TAS2R1: variants seen among roughly 807,000 people sequenced by gnomAD.
The protein encoded by TAS2R1 is taste 2 receptor member 1.
For missense variants in TAS2R1, 370 were observed against 353.4 expected (o/e 1.05, Z -0.38); for synonymous variants, 141 against 134.2 (o/e 1.05, Z -0.35).
chr5:9,637,285 C>T (rs1268113447), intron 2 of TAS2R1, among the ~76,000 whole-genome samples: 1 of 152,154 alleles, frequency 6.6e-6, no homozygotes, highest in East Asian at 1.9e-4. Flanking sequence ...AAGGTTTTTG[C>T]TGAGAAGTCT....
At chr5:9,726,581 C>T in the TAS2R1 span, among the ~76,000 whole-genome samples, 1 of 152,162 alleles carries the variant, frequency 6.6e-6, no homozygotes, top group African/African-American at 2.4e-5. Flanking sequence ...AGCTTCACTC[C>T]TGAGCCAGCG....
At chr5:9,748,168 C>A in the TAS2R1 span, among the ~76,000 whole-genome samples, 1 of 152,032 alleles carries the variant, frequency 6.6e-6, no homozygotes, top group Non-Finnish European at 1.5e-5. Context: ...GCATTTAAAC[C>A]AAACTTTTAA....
intron 1 of TAS2R1, among the ~76,000 whole-genome samples, chr5:9,710,318 T>C (rs1741703849): frequency 6.6e-6 from 1 of 152,242 alleles, no homozygotes; most frequent in African/African-American, 2.4e-5. Flanking sequence ...GGCCAGAGGA[T>C]TGGCTGTCTC....
chr5:9,711,442 A>T (rs1471555155), intron 1 of TAS2R1, among the ~76,000 whole-genome samples: 1 of 152,218 alleles, frequency 6.6e-6, no homozygotes, highest in Non-Finnish European at 1.5e-5. Flanking sequence ...GATTTCAGTT[A>T]TATGAGGTAT....
chr5:9,660,570 A>G (rs1316522485), intron 1 of TAS2R1, among the ~76,000 whole-genome samples: 1 of 152,046 alleles, frequency 6.6e-6, no homozygotes, highest in African/African-American at 2.4e-5. Flanking sequence ...GCATCCAAAC[A>G]TCCTGTGCCT....
the TAS2R1 span, among the ~76,000 whole-genome samples, chr5:9,806,806 A>C: frequency 6.6e-6 from 1 of 152,186 alleles, no homozygotes; most frequent in African/African-American, 2.4e-5. Context: ...ATTTGAGAAG[A>C]TAACATCAGA....
the TAS2R1 span, among the ~76,000 whole-genome samples, chr5:9,736,139 C>G: frequency 0.3 from 44,912 of 152,178 alleles, 7,111 homozygotes; most frequent in Middle Eastern, 0.48. Context: ...CACTGCTCCT[C>G]TCAGTGTTTT....
upstream of TAS2R1, among the ~76,000 whole-genome samples, chr5:9,717,304 CAG>C (rs1316215131): frequency 6.6e-6 from 1 of 151,774 alleles, no homozygotes; most frequent in Non-Finnish European, 1.5e-5. Context: ...GGAGATGAGA[CAG>C]AGACGGGAAA....
intron 1 of TAS2R1, among the ~76,000 whole-genome samples, chr5:9,669,143 C>A (rs1324831377): frequency 6.6e-6 from 1 of 152,056 alleles, no homozygotes; most frequent in African/African-American, 2.4e-5. Context: ...GAGTTTAAAT[C>A]AGCAATAATC....
chr5:9,694,766 C>A (rs1741324855), intron 1 of TAS2R1, among the ~76,000 whole-genome samples: 2 of 152,184 alleles, frequency 1.3e-5, no homozygotes, highest in Non-Finnish European at 2.9e-5. Context: ...CTCTCAATTT[C>A]TTTTTATCAA....
chr5:9,878,565 T>C, the TAS2R1 span, among the ~76,000 whole-genome samples: 2 of 152,262 alleles, frequency 1.3e-5, no homozygotes, highest in African/African-American at 4.8e-5. Context: ...AAAAGTTCTC[T>C]GTCTTTAGTT....
the TAS2R1 span, among the ~76,000 whole-genome samples, chr5:9,788,725 G>A: frequency 1.1e-4 from 17 of 152,078 alleles, no homozygotes; most frequent in Non-Finnish European, 1.2e-4. Context: ...GATTTCAGCC[G>A]AACAACAGTA....
chr5:9,818,718 G>A, the TAS2R1 span, among the ~76,000 whole-genome samples: 1 of 152,188 alleles, frequency 6.6e-6, no homozygotes, highest in Non-Finnish European at 1.5e-5. Flanking sequence ...ACATCCTCAG[G>A]GTGAGACTCA....
chr5:9,810,161 T>C, the TAS2R1 span, among the ~76,000 whole-genome samples: 2 of 152,218 alleles, frequency 1.3e-5, no homozygotes, highest in Admixed American at 1.3e-4. Context: ...CACTTACTCT[T>C]CAACAGACCC....
the TAS2R1 span, among the ~76,000 whole-genome samples, chr5:9,762,062 G>T: frequency 6.6e-6 from 1 of 152,004 alleles, no homozygotes; most frequent in Non-Finnish European, 1.5e-5. Flanking sequence ...AGACAAAAGG[G>T]CTCACCAAAA....
chr5:9,693,557 AAAAG>A lies in TAS2R1; in HGVS notation c.-242+18611_-242+18614del, dbSNP rs1056625516. 1.1e-4 allele frequency among the ~76,000 whole-genome samples: 17 copies of A among 148,804 alleles called. No homozygotes were observed. The East Asian group carries it at 1.8e-3, about 15-fold the overall frequency. ...AAAAAAAAAAAAAAAAAGAGAGAGA[AAAAG>A]AAAGAAAGAAAAATAAATTTGGTCT... On this transcript the variant is annotated intron_variant, in intron 1 of 2. Coordinates refer to the TAS2R1 transcript ENST00000506620.
chr5:9,696,132 T>C (rs1168149201), intron 1 of TAS2R1, among the ~76,000 whole-genome samples: 1 of 151,998 alleles, frequency 6.6e-6, no homozygotes, highest in East Asian at 1.9e-4. Flanking sequence ...GAGTCAATAT[T>C]CAAAAAAAAA....
chr5:9,803,130 A>G, the TAS2R1 span, among the ~76,000 whole-genome samples: 5 of 152,242 alleles, frequency 3.3e-5, no homozygotes, highest in African/African-American at 1.2e-4. Context: ...AGAATTGAAC[A>G]AGCAAAAGAA....
chr5:9,726,864 A>G, the TAS2R1 span, among the ~76,000 whole-genome samples: 1 of 152,208 alleles, frequency 6.6e-6, no homozygotes, highest in African/African-American at 2.4e-5. Flanking sequence ...TTTTGATAAG[A>G]AAGTGCTAAT....
Sources: allele counts gnomAD v4.1 joint callset (sites outside exome capture counted in the v4.1 genomes callset), GRCh38; gene constraint gnomAD v4.1.1; transcripts MANE v1.5; gene names NCBI Gene and HGNC (gene_info 2026-07-23, HGNC 2026-07-21).